Variants in KCNMB3 observed in about 807,000 individuals in gnomAD.
KCNMB3 encodes the protein calcium-activated potassium channel subunit beta-3.
Under a neutral mutation model 11.9 loss-of-function variants are expected in KCNMB3, and 18 were observed. The ratio of observed to expected loss-of-function variants is 1.51; its 90% CI spans 1.04 to 2.23. The LOEUF (loss-of-function observed/expected upper bound fraction) is 2.23, where lower values mean the gene tolerates loss of function less well. Among genes scored for constraint, KCNMB3 ranks in the 30% most tolerant of loss-of-function variants. The pLI is 0.00. For missense variants in KCNMB3, 247 were observed against 329.4 expected (o/e 0.75, Z 1.94); for synonymous variants, 78 against 119.2 (o/e 0.65, Z 2.25).
At chr3:179,261,449 C>G (rs963594160) in intron 1 of KCNMB3, among the ~76,000 whole-genome samples, 5 of 151,944 alleles carry the variant, frequency 3.3e-5, no homozygotes, top group Admixed American at 2.6e-4. Context: ...GAGCGGCTCG[C>G]GGGACTGGGC....
chr3:179,261,337 C>CA (rs1404646566), intron 1 of KCNMB3: 9 of 1,180,278 alleles, frequency 7.6e-6, no homozygotes, highest in Non-Finnish European at 9.5e-6. Context: ...GAGCCCCCCC[C>CA]CGCGGGCCGG....
At chr3:179,253,228 G>C (rs996681734), upstream of KCNMB3, among the ~76,000 whole-genome samples, 1 of 152,138 alleles carries the variant, frequency 6.6e-6, no homozygotes, top group Non-Finnish European at 1.5e-5. Flanking sequence ...ATCCATGGGT[G>C]AAGAGGCTTA....
intron 2 of KCNMB3, among the ~76,000 whole-genome samples, chr3:179,244,099 T>C (rs572674098): frequency 6.6e-6 from 1 of 152,318 alleles, no homozygotes; most frequent in Non-Finnish European, 1.5e-5. Context: ...TATGAACCCA[T>C]TGTGTAACTT....
At chr3:179,260,535 T>C in intron 1 of KCNMB3, 5 of 1,600,334 alleles carry the variant, frequency 3.1e-6, no homozygotes, top group Non-Finnish European at 2.6e-6. Context: ...ATTCTTCACC[T>C]CCACCTCACT....
intron 1 of KCNMB3, chr3:179,260,322 TG>T (rs1200016549): frequency 6.2e-7 from 1 of 1,613,930 alleles, no homozygotes; most frequent in East Asian, 2.2e-5. Context: ...CTCAAGAATT[TG>T]GCTTTGAACC....
chr3:179,251,209 A>G (rs949132032), upstream of KCNMB3: 215 of 1,574,028 alleles, frequency 1.4e-4, 2 homozygotes, highest in South Asian at 1.8e-3. Flanking sequence ...TGTTTAATCA[A>G]TAACTAGAGA....
At chr3:179,259,683 A>G in intron 1 of KCNMB3, 2 of 1,606,324 alleles carry the variant, frequency 1.2e-6, no homozygotes, top group Non-Finnish European at 1.7e-6. Context: ...AACATCTTTA[A>G]GGGTTTCTAT....
exon 1 of KCNMB3, chr3:179,266,937 C>G: frequency 7.4e-7 from 1 of 1,358,768 alleles, no homozygotes. Flanking sequence ...GCGGTCAGTT[C>G]TAGATGATCA....
intron 1 of KCNMB3, among the ~76,000 whole-genome samples, chr3:179,262,191 A>C (rs1726236086): frequency 6.6e-6 from 1 of 152,246 alleles, no homozygotes; most frequent in Admixed American, 6.5e-5. Context: ...GATTTAAGTA[A>C]AGCAATTAAC....
At chr3:179,245,227 G>C (rs1725594912) in intron 1 of KCNMB3, among the ~76,000 whole-genome samples, 1 of 152,042 alleles carries the variant, frequency 6.6e-6, no homozygotes, top group East Asian at 1.9e-4. Flanking sequence ...GGCTTGTCCT[G>C]ATGAAAATGT....
rs1000222061 is a variant in KCNMB3, at chr3:179,245,522, G to C, written c.249-829C>G. Among the ~76,000 whole-genome samples the C allele has an allele frequency of 5.9e-5, 9 of 151,362 alleles. No homozygotes were observed. In the South Asian group the frequency reaches 8.4e-4, roughly 14 times the overall value. ...TACTGAATTAATTTTTTTGGGGGGG[G>C]GGATGGAGTTTCGCTCTTGTTGCCC... On this transcript the variant is annotated intron_variant, in intron 1 of 2. Transcript: ENST00000392685.
chr3:179,250,758 T>C lies in KCNMB3; in HGVS notation c.233A>G (p.Lys78Arg). Reference sequence around the variant, plus strand: ...TGTTTCTTACCTGAGCATAAAAGGCTTTAGAATGGTTGTTCCGAGCAAGAA... The same window carrying C: ...TGTTTCTTACCTGAGCATAAAAGGCCTTAGAATGGTTGTTCCGAGCAAGAA... ...MFFLLGTTIL[K>R]PFMLSIQREE... The change falls in exon 1 of 3, where the codon AAG (lysine) becomes AGG (arginine). Residue 78 changes from lysine to arginine, a missense_variant. Lys to Arg is a conservative substitution (Grantham distance 26, BLOSUM62 2). This residue lies in a region of KCNMB3 where 160 missense variants were observed against 157.5 expected (regional missense o/e 1.02). Transcript: ENST00000392685. 1 of 1,614,204 alleles carries C rather than the reference T, an allele frequency of 6.2e-7. No homozygotes were observed.
intron 1 of KCNMB3, among the ~76,000 whole-genome samples, chr3:179,247,917 G>GC (rs1387005797): frequency 6.6e-6 from 1 of 151,480 alleles, no homozygotes; most frequent in East Asian, 1.9e-4. Context: ...CTCCCCCTGG[G>GC]CCTCCTGTTG....
At chr3:179,255,313 A>G (rs986038225), upstream of KCNMB3, among the ~76,000 whole-genome samples, 1 of 152,066 alleles carries the variant, frequency 6.6e-6, no homozygotes, top group Non-Finnish European at 1.5e-5. Flanking sequence ...TATAAAATAC[A>G]CATCTGTAAC....
At chr3:179,261,330 C>A (rs1417336393) in intron 1 of KCNMB3, 2 of 1,053,492 alleles carry the variant, frequency 1.9e-6, no homozygotes, top group Non-Finnish European at 2.3e-6. Context: ...CGTGCCGGAG[C>A]CCCCCCCCGC....
chr3:179,266,634 C>G, intron 1 of KCNMB3: 1 of 1,613,992 alleles, frequency 6.2e-7, no homozygotes, highest in Middle Eastern at 1.7e-4. Context: ...GGCAGAGCTT[C>G]CGGAAGTGAC....
intron 1 of KCNMB3, chr3:179,259,621 C>T (rs1726135271): frequency 2.9e-5 from 47 of 1,608,362 alleles, no homozygotes; most frequent in Non-Finnish European, 3.8e-5. Context: ...TTTACCTGCT[C>T]TTCTTCCTTA....
chr3:179,258,391 T>C (rs1490237652), intron 1 of KCNMB3, among the ~76,000 whole-genome samples: 1 of 152,196 alleles, frequency 6.6e-6, no homozygotes, highest in Non-Finnish European at 1.5e-5. Flanking sequence ...CAAAGACTTA[T>C]ATGAGGTGAA....
chr3:179,266,853 C>T (rs1202117804), exon 1 of KCNMB3: 11 of 1,438,416 alleles, frequency 7.6e-6, no homozygotes, highest in African/African-American at 1.4e-5. Flanking sequence ...CATTAGAAGC[C>T]CCCCGCCTTC....
Sources: gnomAD v4.1 joint callset for allele counts (sites outside exome capture counted in the v4.1 genomes callset) on GRCh38, gnomAD v4.1.1 for gene constraint, gnomAD v4.1.1 regional missense constraint, MANE v1.5 for transcripts, NCBI Gene and HGNC (gene_info 2026-07-23, HGNC 2026-07-21) for gene names.